SCHIP1: variants seen among roughly 807,000 people sequenced by gnomAD.
SCHIP1 encodes the protein schwannomin-interacting protein 1.
Under a neutral mutation model 29.7 loss-of-function variants are expected in SCHIP1, and 8 were observed. The ratio of observed to expected loss-of-function variants is 0.27; its 90% CI spans 0.16 to 0.49. The LOEUF is 0.49. SCHIP1 is among the 20% of genes least tolerant of loss of function. SCHIP1 has a pLI of 0.99. For synonymous variants in SCHIP1, 76 were observed against 94.9 expected (o/e 0.80, Z 1.16); for missense variants, 193 against 294.6 (o/e 0.66, Z 2.52).
At chr3:159,761,949 C>A in the SCHIP1 span, among the ~76,000 whole-genome samples, 1 of 152,186 alleles carries the variant, frequency 6.6e-6, no homozygotes, top group African/African-American at 2.4e-5. Flanking sequence ...TCTCTCATCA[C>A]CCCAGGTGAT....
chr3:159,785,833 C>G, the SCHIP1 span, among the ~76,000 whole-genome samples: 1 of 152,170 alleles, frequency 6.6e-6, no homozygotes, highest in African/African-American at 2.4e-5. Context: ...AAAGAGCTAT[C>G]CATCACTGGG....
At chr3:159,835,734 C>T (rs1480880306), upstream of SCHIP1, among the ~76,000 whole-genome samples, 2 of 152,184 alleles carry the variant, frequency 1.3e-5, no homozygotes, top group African/African-American at 4.8e-5. Context: ...TCAACTCACA[C>T]AGCTTATGCC....
the SCHIP1 span, among the ~76,000 whole-genome samples, chr3:159,450,878 G>A: frequency 3.5e-5 from 5 of 141,660 alleles, no homozygotes; most frequent in East Asian, 4.2e-4. Context: ...GTGAGATCTC[G>A]GCTCACTGCA....
chr3:159,387,663 G>T, the SCHIP1 span, among the ~76,000 whole-genome samples: 7 of 152,306 alleles, frequency 4.6e-5, no homozygotes, highest in East Asian at 1.3e-3. Context: ...GGTCTTGCTA[G>T]TGACTATACA....
the SCHIP1 span, among the ~76,000 whole-genome samples, chr3:159,309,562 G>A: frequency 6.6e-6 from 1 of 151,384 alleles, no homozygotes; most frequent in Non-Finnish European, 1.5e-5. Flanking sequence ...GTGTTGCCTG[G>A]TCCTTTGGAT....
intron 1 of SCHIP1, among the ~76,000 whole-genome samples, chr3:159,850,149 G>A (rs1160982268): frequency 2.0e-5 from 3 of 152,214 alleles, no homozygotes; most frequent in Non-Finnish European, 4.4e-5. Flanking sequence ...CATCAGAAGA[G>A]ATATGCGACA....
chr3:159,894,811 A>G (rs1354673215), intron 6 of SCHIP1: 1 of 151,956 alleles, frequency 6.6e-6, no homozygotes, highest in Non-Finnish European at 1.5e-5. Context: ...AGTTTTATGG[A>G]CTGAAACCCT....
At chr3:159,679,255 C>G in the SCHIP1 span, among the ~76,000 whole-genome samples, 1 of 152,090 alleles carries the variant, frequency 6.6e-6, no homozygotes, top group Admixed American at 6.5e-5. Context: ...AAAAATCTCC[C>G]TCAAATGGGT....
At chr3:159,552,447 G>C in the SCHIP1 span, among the ~76,000 whole-genome samples, 88 of 151,240 alleles carry the variant, frequency 5.8e-4, no homozygotes, top group African/African-American at 2.1e-3. Context: ...TGAATGAATC[G>C]ACAAAAAAAA....
chr3:159,432,619 A>G, the SCHIP1 span, among the ~76,000 whole-genome samples: 1 of 152,136 alleles, frequency 6.6e-6, no homozygotes, highest in Admixed American at 6.6e-5. Context: ...AATTTGGGGA[A>G]TCTCACACTG....
the SCHIP1 span, among the ~76,000 whole-genome samples, chr3:159,500,484 C>T: frequency 6.6e-5 from 10 of 152,076 alleles, no homozygotes; most frequent in Non-Finnish European, 1.0e-4. Context: ...GAGGCCGACA[C>T]GGGCAGATCA....
chr3:159,629,048 C>A, the SCHIP1 span, among the ~76,000 whole-genome samples: 1 of 152,168 alleles, frequency 6.6e-6, no homozygotes, highest in East Asian at 1.9e-4. Flanking sequence ...CAAAAGAGTA[C>A]ATTCTATCAA....
At chr3:159,406,742 G>C in the SCHIP1 span, among the ~76,000 whole-genome samples, 1 of 152,088 alleles carries the variant, frequency 6.6e-6, no homozygotes, top group Non-Finnish European at 1.5e-5. Context: ...GTTAAAAAGT[G>C]GGGGGACAAA....
the SCHIP1 span, among the ~76,000 whole-genome samples, chr3:159,593,255 A>G: frequency 1.3e-5 from 2 of 152,206 alleles, no homozygotes; most frequent in Non-Finnish European, 2.9e-5. Context: ...AATCAGAGAC[A>G]GGCCTTTAGC....
At chr3:159,463,075 A>G in the SCHIP1 span, among the ~76,000 whole-genome samples, 1 of 151,840 alleles carries the variant, frequency 6.6e-6, no homozygotes, top group Admixed American at 6.6e-5. Context: ...TTATATAGAC[A>G]TGGGGAAAGT....
At chr3:159,385,113 A>C in the SCHIP1 span, among the ~76,000 whole-genome samples, 3 of 152,210 alleles carry the variant, frequency 2.0e-5, no homozygotes, top group Admixed American at 2.0e-4. Flanking sequence ...AGAACTAGAT[A>C]CAAGTGAACA....
the SCHIP1 span, among the ~76,000 whole-genome samples, chr3:159,422,398 T>C: frequency 6.6e-6 from 1 of 152,242 alleles, no homozygotes; most frequent in African/African-American, 2.4e-5. Flanking sequence ...AAGGGGTATC[T>C]AGCAACTTGA....
At chr3:159,343,590 G>C in the SCHIP1 span, among the ~76,000 whole-genome samples, 2 of 152,184 alleles carry the variant, frequency 1.3e-5, no homozygotes, top group East Asian at 3.9e-4. Flanking sequence ...TCCAAACCAT[G>C]CAGCCTTGCC....
the SCHIP1 span, among the ~76,000 whole-genome samples, chr3:159,658,271 A>G: frequency 6.6e-6 from 1 of 152,204 alleles, no homozygotes; most frequent in East Asian, 1.9e-4. Flanking sequence ...TATCCAGGTG[A>G]CAGTATCATG....
Sources: allele counts gnomAD v4.1 joint callset (sites outside exome capture counted in the v4.1 genomes callset), GRCh38; gene constraint gnomAD v4.1.1; transcripts MANE v1.5; gene names NCBI Gene and HGNC (gene_info 2026-07-23, HGNC 2026-07-21).